Variants in RBFOX3 observed in about 807,000 individuals in gnomAD.
RBFOX3 encodes the protein RNA binding protein fox-1 homolog 3.
RBFOX3 carries 17 observed loss-of-function variants against 48.7 expected under a neutral mutation model. The ratio of observed to expected loss-of-function variants is 0.35; its 90% CI spans 0.24 to 0.52. RBFOX3 has a LOEUF of 0.52. Among genes scored for constraint, RBFOX3 ranks in the 20% least tolerant of loss-of-function variants. RBFOX3 has a pLI of 0.94. For synonymous variants in RBFOX3, 212 were observed against 209.5 expected (o/e 1.01, Z -0.10); for missense variants, 382 against 497.5 (o/e 0.77, Z 2.21).
intron 3 of RBFOX3, among the ~76,000 whole-genome samples, chr17:79,287,908 G>A (rs77641928): frequency 0.03 from 4,619 of 152,252 alleles, 111 homozygotes; most frequent in East Asian, 0.069. Context: ...ATTGCGGCAC[G>A]TCGCAGACAG....
upstream of RBFOX3, among the ~76,000 whole-genome samples, chr17:79,613,250 C>T (rs1373365447): frequency 2.6e-5 from 4 of 152,230 alleles, no homozygotes; most frequent in Non-Finnish European, 4.4e-5. Context: ...TGCTCAGACG[C>T]CCGGGTGGTA....
intron 4 of RBFOX3, among the ~76,000 whole-genome samples, chr17:79,123,854 C>T (rs952957730): frequency 2.0e-5 from 3 of 152,176 alleles, no homozygotes; most frequent in African/African-American, 7.2e-5. Flanking sequence ...GTGCTGCAGG[C>T]CTGCTCTGTG....
intron 13 of RBFOX3, among the ~76,000 whole-genome samples, chr17:79,094,996 T>C (rs1227649483): frequency 6.6e-6 from 1 of 151,110 alleles, no homozygotes; most frequent in Non-Finnish European, 1.5e-5. Flanking sequence ...GCAGTTTGTC[T>C]GTGCAGGGAA....
At position 79,480,838 on chromosome 17, in the gene RBFOX3, T is replaced by C. The variant is rs1290531440; in HGVS notation, c.-175+1616A>G. Reference sequence around the variant, plus strand: ...ATGCACTGCATTTATCTTCACAGCGTTATGGCGCCTGACATACATTTATTC... The same window carrying C: ...ATGCACTGCATTTATCTTCACAGCGCTATGGCGCCTGACATACATTTATTC... On this transcript the variant is annotated intron_variant, in intron 2 of 14. Coordinates refer to ENST00000693108, the MANE Select transcript of RBFOX3 (RefSeq NM_001350451.2). This position sits in a 1 kb window ranked among gnomAD's most constrained non-coding sequence, Gnocchi z 4.8. 1.3e-5 allele frequency among the ~76,000 whole-genome samples: 2 copies of C among 152,314 alleles called. No homozygotes were observed. The highest frequency in any genetic ancestry group is 3.9e-4 in the East Asian group (2 of 5,180).
chr17:79,516,778 G>A (rs895584488), intron 1 of RBFOX3, among the ~76,000 whole-genome samples: 5 of 152,336 alleles, frequency 3.3e-5, no homozygotes, highest in South Asian at 2.1e-4. Context: ...ACGGATGGAC[G>A]CGATGCGCTG....
the RBFOX3 span, among the ~76,000 whole-genome samples, chr17:79,632,418 A>G: frequency 1.3e-5 from 2 of 151,970 alleles, no homozygotes; most frequent in African/African-American, 4.8e-5. Flanking sequence ...TTCCAGAGGG[A>G]CCCCTGTTGG....
chr17:79,473,002 G>T lies in RBFOX3; in HGVS notation c.-175+9452C>A, dbSNP rs1158711898. ...CAATCCTCCCACCTCAGCCTCCTGA[G>T]TAGTTGAAGTGACAAGCCCTTACTT... On this transcript the variant is annotated intron_variant, in intron 2 of 14. Coordinates refer to ENST00000693108, the MANE Select transcript of RBFOX3 (RefSeq NM_001350451.2). This position sits in a 1 kb window ranked among gnomAD's most constrained non-coding sequence, Gnocchi z 4.2. 6.6e-6 allele frequency among the ~76,000 whole-genome samples: 1 copy of T among 152,120 alleles called. No individual in the cohort carries two copies. The highest frequency in any genetic ancestry group is 6.5e-5 in the Admixed American group (1 of 15,280).
chr17:79,586,845 T>C (rs2093265605), intron 1 of RBFOX3, among the ~76,000 whole-genome samples: 1 of 152,294 alleles, frequency 6.6e-6, no homozygotes, highest in South Asian at 2.1e-4. Context: ...GGGCATTTGA[T>C]TGCATGAGAG....
chr17:79,488,026 G>A (rs1016010938), intron 1 of RBFOX3, among the ~76,000 whole-genome samples: 7 of 151,964 alleles, frequency 4.6e-5, no homozygotes, highest in Non-Finnish European at 8.8e-5. Context: ...AGAGGTGGGG[G>A]TGAGGTGGAA....
At chr17:79,377,778 C>T (rs749263387) in intron 2 of RBFOX3, among the ~76,000 whole-genome samples, 11 of 152,080 alleles carry the variant, frequency 7.2e-5, no homozygotes, top group Admixed American at 6.5e-4. Context: ...TCTAGGTGTG[C>T]GTGTCCCTGG....
At chr17:79,150,546 C>A (rs1426357182) in intron 4 of RBFOX3, among the ~76,000 whole-genome samples, 1 of 152,162 alleles carries the variant, frequency 6.6e-6, no homozygotes, top group Admixed American at 6.5e-5. Flanking sequence ...GGTGGCCGCG[C>A]TGGCTCAACT....
chr17:79,538,129 CAA>C (rs2089142202), intron 1 of RBFOX3, among the ~76,000 whole-genome samples: 1 of 152,210 alleles, frequency 6.6e-6, no homozygotes, highest in South Asian at 2.1e-4. Flanking sequence ...AGCTATTTTG[CAA>C]ACACAAACCC....
rs1599362677 is a variant in RBFOX3 at position 79,090,734 on chromosome 17, A to G, written c.*149T>C. On this transcript the variant is annotated 3_prime_UTR_variant, in exon 15 of 15. Coordinates refer to ENST00000693108, the MANE Select transcript of RBFOX3 (RefSeq NM_001350451.2). ...TGCGGGCGTGTGGCCAGGACGCGGG[A>G]CTTGGACTTGGTTGGATGCCTCTTG... 1.0e-6 allele frequency: 1 copy of G among 985,264 alleles called. No individual in the cohort carries two copies. Among genetic ancestry groups the G allele is most frequent in the South Asian group, 1.8e-5 (1 of 56,154 alleles). 61.0% of individuals were successfully genotyped at this position (985,264 alleles called of 1,614,324 possible).
At chr17:79,415,116 A>G (rs1307424333) in intron 2 of RBFOX3, among the ~76,000 whole-genome samples, 1 of 152,212 alleles carries the variant, frequency 6.6e-6, no homozygotes, top group Non-Finnish European at 1.5e-5. Flanking sequence ...GGGGAGTTCA[A>G]GTGACTTCTG....
chr17:79,386,237 C>T, intron 2 of RBFOX3, among the ~76,000 whole-genome samples: 1 of 150,512 alleles, frequency 6.6e-6, no homozygotes, highest in Non-Finnish European at 1.5e-5. Context: ...CCCTCCATTG[C>T]AGACAGGAAC....
At chr17:79,323,010 C>T (rs2078774508) in intron 2 of RBFOX3, among the ~76,000 whole-genome samples, 2 of 152,228 alleles carry the variant, frequency 1.3e-5, no homozygotes, top group African/African-American at 4.8e-5. Flanking sequence ...TACGTGGGGG[C>T]ATTGTGCTGG....
intron 4 of RBFOX3, among the ~76,000 whole-genome samples, chr17:79,139,955 T>C (rs1319268133): frequency 6.6e-6 from 1 of 151,950 alleles, no homozygotes; most frequent in East Asian, 1.9e-4. Context: ...GTCTCAGGCT[T>C]TCCCTGCAGG....
Position 79,199,835 on chromosome 17 carries a change from C to T in RBFOX3, c.-34+35931G>A, listed in dbSNP as rs935478593. ...TCTATTCTACAGTACCGCTCTAAAG[C>T]TTCCCACATCTCAGTTTCCTTATCT... On this transcript the variant is annotated intron_variant, in intron 4 of 14. Transcript: ENST00000693108. The surrounding 1 kb of genome is among the most constrained non-coding windows in gnomAD (Gnocchi z 5.1). Among the ~76,000 whole-genome samples the T allele has an allele frequency of 6.6e-6, 1 of 152,162 alleles. No homozygotes were observed. The highest frequency in any genetic ancestry group is 2.4e-5 in the African/African-American group (1 of 41,440).
At chr17:79,658,024 GTTC>G in the RBFOX3 span, among the ~76,000 whole-genome samples, 86 of 152,200 alleles carry the variant, frequency 5.7e-4, no homozygotes, top group African/African-American at 1.9e-3. Context: ...AGAACAGTCT[GTTC>G]TTCTGTAAGA....
Sources: gnomAD v4.1 joint callset for allele counts (sites outside exome capture counted in the v4.1 genomes callset) on GRCh38, gnomAD v4.1.1 for gene constraint, Gnocchi (gnomAD v3.1) non-coding constraint, MANE v1.5 for transcripts, NCBI Gene and HGNC (gene_info 2026-07-23, HGNC 2026-07-21) for gene names.